The following OR52E5 variants were observed in gnomAD, a reference collection of about 807,000 sequenced individuals.
OR52E5 encodes the protein olfactory receptor family 52 subfamily E member 5, also known as olfactory receptor 52E5.
chr11:5,898,260 T>C (rs1387049578), intron 2 of OR52E5, among the ~76,000 whole-genome samples: 1 of 152,188 alleles, frequency 6.6e-6, no homozygotes, highest in African/African-American at 2.4e-5. Context: ...GAAATGTCTA[T>C]TCAACCTTTG....
intron 2 of OR52E5, among the ~76,000 whole-genome samples, chr11:5,897,722 C>G (rs761123941): frequency 2.0e-5 from 3 of 152,164 alleles, no homozygotes; most frequent in African/African-American, 7.2e-5. Context: ...GGAGGTTGAG[C>G]TAATAAATCC....
At chr11:5,894,597 C>G (rs1847148399) in intron 1 of OR52E5, among the ~76,000 whole-genome samples, 1 of 152,008 alleles carries the variant, frequency 6.6e-6, no homozygotes. Context: ...AGAAAGCATG[C>G]AGAAAGTTTG....
chr11:5,894,752 C>T (rs1373437213), intron 1 of OR52E5, among the ~76,000 whole-genome samples: 1 of 152,096 alleles, frequency 6.6e-6, no homozygotes, highest in East Asian at 1.9e-4. Context: ...TCTTATGGCT[C>T]AGGGGTCGGT....
chr11:5,896,767 T>C (rs1044849419), intron 2 of OR52E5, among the ~76,000 whole-genome samples: 6 of 152,314 alleles, frequency 3.9e-5, no homozygotes, highest in South Asian at 4.1e-4. Context: ...CCAGCTTACA[T>C]ATAAAAAATT....
intron 2 of OR52E5, among the ~76,000 whole-genome samples, chr11:5,896,951 C>T (rs992366363): frequency 1.5e-4 from 23 of 152,310 alleles, no homozygotes; most frequent in Admixed American, 1.1e-3. Context: ...GTCAGCTAGA[C>T]GTTTTTTCCC....
intron 2 of OR52E5, among the ~76,000 whole-genome samples, chr11:5,900,228 A>G (rs1388760515): frequency 6.6e-6 from 1 of 152,158 alleles, no homozygotes; most frequent in East Asian, 1.9e-4. Context: ...TTTATTTATT[A>G]TCTCAAATCC....
Position 5,900,743 on chromosome 11 carries a change from G to A in OR52E5, c.-34G>A. 1 of 399,612 alleles carries A rather than the reference G, an allele frequency of 2.5e-6. No individual in the cohort carries two copies. The highest frequency in any genetic ancestry group is 4.4e-6 in the Non-Finnish European group (1 of 226,154). 24.8% of individuals were successfully genotyped at this position (399,612 alleles called of 1,614,324 possible). A position where few individuals can be genotyped will look rare whatever the true frequency, so the allele number is the denominator to read the frequency against. ...TCTCACTGGAAGCAAGAAAACTCAT[G>A]CAAGAAATGTGTCTGTAGGGAATGG... On this transcript the variant is annotated 5_prime_UTR_variant, in exon 3 of 3. It removes an upstream start codon present in the reference 5' UTR. Transcript: ENST00000610445.
In OR52E5 at chr11:5,902,636, G is replaced by T. The variant is rs1337422969; in HGVS notation, c.*876G>T. 1.3e-5 allele frequency: 2 copies of T among 152,208 alleles called. No individual in the cohort carries two copies. Among genetic ancestry groups the T allele is most frequent in the Non-Finnish European group, 2.9e-5 (2 of 68,038 alleles). The allele number at this position is 152,208 out of a possible 1,614,324, so 9.4% of individuals were successfully genotyped here. On this transcript the variant is annotated 3_prime_UTR_variant, in exon 3 of 3. Coordinates refer to ENST00000610445, the MANE Select transcript of OR52E5 (RefSeq NM_001005166.5). ...CTTTGCTAGAGTGGGTTTTAGGGCA[G>T]ACTGTAATAGTGTGGCTGCTGAAAT...
intron 1 of OR52E5, among the ~76,000 whole-genome samples, chr11:5,894,194 G>A (rs1847141902): frequency 6.6e-6 from 1 of 152,112 alleles, no homozygotes; most frequent in Non-Finnish European, 1.5e-5. Flanking sequence ...ATAACCTAGT[G>A]GTAGATATTC....
At chr11:5,895,577 A>G (rs576669142) in intron 1 of OR52E5, 55 bp from the exon 2 acceptor site, 1 of 152,342 alleles carries the variant, frequency 6.6e-6, no homozygotes, top group East Asian at 1.9e-4. Context: ...TAATCTTTGT[A>G]AATAGCCATG....
chr11:5,898,029 AT>A (rs879817007), intron 2 of OR52E5, among the ~76,000 whole-genome samples: 470 of 142,422 alleles, frequency 3.3e-3, no homozygotes, highest in Admixed American at 3.7e-3. Flanking sequence ...CACCAAGCTA[AT>A]TTTTTTTTTT....
At chr11:5,897,898 T>C (rs1404771943) in intron 2 of OR52E5, among the ~76,000 whole-genome samples, 3 of 152,204 alleles carry the variant, frequency 2.0e-5, no homozygotes, top group African/African-American at 7.2e-5. Context: ...AGTCTCATTC[T>C]GTCACCCAGG....
intron 2 of OR52E5, among the ~76,000 whole-genome samples, chr11:5,896,475 C>A (rs1353986993): frequency 6.7e-6 from 1 of 150,122 alleles, no homozygotes; most frequent in East Asian, 1.9e-4. Context: ...AAAAATTATT[C>A]AGTTTTCAAA....
intron 2 of OR52E5, among the ~76,000 whole-genome samples, chr11:5,898,353 T>C (rs983876730): frequency 6.6e-6 from 1 of 152,226 alleles, no homozygotes; most frequent in Non-Finnish European, 1.5e-5. Context: ...GTCAGATGCA[T>C]AGTTTGCAAA....
At position 5,902,490 on chromosome 11, in the gene OR52E5, A is replaced by C. The variant is rs900492480; in HGVS notation, c.*730A>C. 1 of 151,342 alleles carries C rather than the reference A, an allele frequency of 6.6e-6. No homozygotes were observed. The highest frequency in any genetic ancestry group is 2.4e-5 in the African/African-American group (1 of 41,248). The allele number at this position is 151,342 out of a possible 1,614,324, so 9.4% of individuals were successfully genotyped here. ...ATTATCCCAACGCATGGGCCTCTTC[A>C]TGGACCTCTCAGCTCTTACCTTCGT... On this transcript the variant is annotated 3_prime_UTR_variant, in exon 3 of 3. Coordinates refer to ENST00000610445, the MANE Select transcript of OR52E5 (RefSeq NM_001005166.5).
intron 2 of OR52E5, among the ~76,000 whole-genome samples, chr11:5,898,839 C>A (rs2134293602): frequency 6.6e-6 from 1 of 152,246 alleles, no homozygotes; most frequent in East Asian, 1.9e-4. Flanking sequence ...TTGGCTACTG[C>A]AGCCTTGGAG....
intron 2 of OR52E5, among the ~76,000 whole-genome samples, chr11:5,900,296 T>A (rs1405065181): frequency 2.0e-5 from 3 of 152,056 alleles, no homozygotes; most frequent in African/African-American, 7.3e-5. Flanking sequence ...GAGAATATTC[T>A]TAATTTCTCA....
In OR52E5 at chr11:5,901,391, G is replaced by A. The variant is rs1249598219; in HGVS notation, c.615G>A (p.Val205=). Residue 205 remains valine, a synonymous_variant, in exon 3 of 3, where the codon GTG becomes GTA. Transcript: ENST00000610445. ...TATATGGATTGATTGCCTTCTCAGTGGGATACATTGACATTTCTGTGATTG... is the reference window on the plus strand; with the variant it reads ...TATATGGATTGATTGCCTTCTCAGTAGGATACATTGACATTTCTGTGATTG... ...NVIYGLIAFS[V]GYIDISVIGF... 2.5e-6 allele frequency: 1 copy of A among 401,502 alleles called. No individual in the cohort carries two copies. The highest frequency in any genetic ancestry group is 4.4e-6 in the Non-Finnish European group (1 of 226,332). The allele number at this position is 401,502 out of a possible 1,614,324, so 24.9% of individuals were successfully genotyped here.
In OR52E5 at chr11:5,897,051, T is replaced by A. The variant is rs535190052; in HGVS notation, c.-146+1338T>A. Among the ~76,000 whole-genome samples, 56 of 152,286 alleles carry A rather than the reference T, an allele frequency of 3.7e-4. No homozygotes were observed. In the South Asian group the frequency reaches 6.0e-3, roughly 16 times the overall value. Reference sequence around the variant, plus strand: ...ATCGGATGCTGGGGCAGGGGATAGATGTAAATAGAAAGATAAAGCTAATTT... The same window carrying A: ...ATCGGATGCTGGGGCAGGGGATAGAAGTAAATAGAAAGATAAAGCTAATTT... On this transcript the variant is annotated intron_variant, in intron 2 of 2. Transcript: ENST00000610445.
Sources: gnomAD v4.1 joint callset for allele counts (sites outside exome capture counted in the v4.1 genomes callset) on GRCh38, gnomAD v4.1.1 for gene constraint, MANE v1.5 for transcripts, NCBI Gene and HGNC (gene_info 2026-07-23, HGNC 2026-07-21) for gene names.